HAO1: variants seen among roughly 807,000 people sequenced by gnomAD.
HAO1 encodes 2-Hydroxyacid oxidase 1.
HAO1 carries 34 observed loss-of-function variants against 39.7 expected under a neutral mutation model. The observed-to-expected ratio is 0.86, with a 90% CI of 0.65 to 1.14. The LOEUF (loss-of-function observed/expected upper bound fraction) is 1.14. HAO1 is among the 50% of genes most tolerant of loss of function. The pLI, the probability that HAO1 is intolerant of heterozygous loss-of-function variation, is 0.00. For missense variants in HAO1, 479 were observed against 464.5 expected (o/e 1.03, Z -0.29); for synonymous variants, 172 against 173.2 (o/e 0.99, Z 0.05).
chr20:7,900,005 A>C (rs575000603), intron 4 of HAO1, among the ~76,000 whole-genome samples: 2 of 152,292 alleles, frequency 1.3e-5, no homozygotes, highest in Non-Finnish European at 2.9e-5. Context: ...CAAGTACTCA[A>C]AACGTAAGTA....
At chr20:7,913,861 A>G (rs2050292960) in intron 3 of HAO1, among the ~76,000 whole-genome samples, 1 of 152,240 alleles carries the variant, frequency 6.6e-6, no homozygotes, top group African/African-American at 2.4e-5. Context: ...GAAATAGGGC[A>G]CCAGGATGAT....
intron 1 of HAO1, among the ~76,000 whole-genome samples, chr20:7,939,775 G>A (rs1167168649): frequency 9.2e-5 from 14 of 152,180 alleles, no homozygotes; most frequent in Admixed American, 9.2e-4. Flanking sequence ...AAACAGCAAA[G>A]TTGAAAGATT....
chr20:7,930,153 G>C (rs867346340), intron 2 of HAO1, among the ~76,000 whole-genome samples: 4 of 151,806 alleles, frequency 2.6e-5, no homozygotes, highest in African/African-American at 9.7e-5. Flanking sequence ...TAACTAACCC[G>C]TTTTCTGAAC....
intron 5 of HAO1, among the ~76,000 whole-genome samples, chr20:7,890,918 G>A (rs1168805697): frequency 1.3e-5 from 2 of 152,022 alleles, no homozygotes; most frequent in Non-Finnish European, 2.9e-5. Flanking sequence ...TCATATATAT[G>A]TACCACGGTT....
chr20:7,923,725 A>G (rs993551757), intron 2 of HAO1, among the ~76,000 whole-genome samples: 2 of 152,148 alleles, frequency 1.3e-5, no homozygotes, highest in Non-Finnish European at 2.9e-5. Context: ...TCACATGGGT[A>G]TGTTAACAAA....
intron 2 of HAO1, 95 bp downstream of exon 2, chr20:7,934,389 A>T: frequency 1.1e-6 from 1 of 893,362 alleles, no homozygotes; most frequent in Non-Finnish European, 1.7e-6. Context: ...CTGAGTGTAA[A>T]AACATCAAGG....
intron 3 of HAO1, 41 bp from the exon 4 acceptor site, chr20:7,906,370 A>G (rs751903842): frequency 5.2e-6 from 6 of 1,144,838 alleles, no homozygotes; most frequent in Admixed American, 1.8e-5. Flanking sequence ...TTGCCAAATT[A>G]GAAATACGTT....
At chr20:7,924,880 G>GA (rs1189966141) in intron 2 of HAO1, among the ~76,000 whole-genome samples, 1 of 152,098 alleles carries the variant, frequency 6.6e-6, no homozygotes, top group African/African-American at 2.4e-5. Flanking sequence ...ATTTTGTTGA[G>GA]AAAACGCATT....
Position 7,914,341 on chromosome 20 carries a change from G to A in HAO1, c.368C>T (p.Pro123Leu), listed in dbSNP as rs906338813. 7.4e-6 allele frequency: 12 copies of A among 1,613,974 alleles called. No homozygotes were observed. Among genetic ancestry groups the A allele is most frequent in the Non-Finnish European group, 1.0e-5 (12 of 1,179,962 alleles). The change falls in exon 3 of 8, where the codon CCT becomes CTT. Residue 123 changes from proline to leucine, a missense_variant. By Grantham distance (98) the Pro-to-Leu change is moderately conservative. Coordinates refer to ENST00000378789, the MANE Select transcript of HAO1 (RefSeq NM_017545.3). ...SSIEEVAEAGPEALRWLQLYI... is the reference protein window; with the variant it reads ...SSIEEVAEAGLEALRWLQLYI... ...CAGTTGCAGCCAACGAAGTGCCTCA[G>A]GACCAGCTTCCGCCACTTCTTCAAT...
intron 2 of HAO1, among the ~76,000 whole-genome samples, chr20:7,926,121 A>G (rs1261513138): frequency 6.6e-6 from 1 of 152,080 alleles, no homozygotes. Context: ...TATTGTTAGA[A>G]AAGCAAGTCT....
chr20:7,927,385 A>G (rs181854379), intron 2 of HAO1, among the ~76,000 whole-genome samples: 1 of 152,202 alleles, frequency 6.6e-6, no homozygotes, highest in South Asian at 2.1e-4. Context: ...AATTCAAAAA[A>G]ATAAATAAAA....
At position 7,914,222 on chromosome 20, in the gene HAO1, A is replaced by G. The variant is rs1351703668; in HGVS notation, c.487T>C (p.Tyr163His). The G allele has an allele frequency of 1.2e-6, 2 of 1,614,022 alleles. No individual in the cohort carries two copies. The highest frequency in any genetic ancestry group is 1.7e-6 in the Non-Finnish European group (2 of 1,179,936). Residue 163 changes from tyrosine to histidine, a missense_variant, in exon 3 of 8, where the codon TAC becomes CAC. Physicochemically the swap from Tyr to His is moderately conservative, Grantham distance 83. Coordinates refer to ENST00000378789, the MANE Select transcript of HAO1 (RefSeq NM_017545.3). ...ACATCATCCAGACGGTTGCCCAGGT[A>G]AGGTGTGTCCACTGTCACAAATATG... ...KAIFVTVDTPYLGNRLDDVRN... is the reference protein window; with the variant it reads ...KAIFVTVDTPHLGNRLDDVRN...
chr20:7,888,383 G>T (rs1285997384), intron 5 of HAO1, among the ~76,000 whole-genome samples: 11 of 152,062 alleles, frequency 7.2e-5, no homozygotes, highest in Non-Finnish European at 1.5e-4. Context: ...CTGCTAGCAA[G>T]GAGCTCTCAC....
intron 1 of HAO1, among the ~76,000 whole-genome samples, chr20:7,937,757 A>G (rs139642424): frequency 1.8e-3 from 278 of 152,322 alleles, no homozygotes; most frequent in Non-Finnish European, 2.8e-3. Context: ...ATTAATCCCA[A>G]TCAATTCCAG....
chr20:7,914,384 A>G lies in HAO1; in HGVS notation c.325T>C (p.Ser109Pro). ...QSLGTGMMLS[S>P]WATSSIEEVA... ...TCTTCAATTGAGGAGGTGGCCCAGG[A>G]ACTCAACATCATGCCCGTTCCCAGG... The change falls in exon 3 of 8, where the codon TCC becomes CCC. Residue 109 changes from serine to proline, a missense_variant. By Grantham distance (74) the Ser-to-Pro change is moderately conservative (BLOSUM62 -1). Coordinates refer to ENST00000378789, the MANE Select transcript of HAO1 (RefSeq NM_017545.3). 2 of 1,613,802 alleles carry G rather than the reference A, an allele frequency of 1.2e-6. No individual in the cohort carries two copies. The highest frequency in any genetic ancestry group is 1.7e-5 in the Admixed American group (1 of 59,994).
chr20:7,888,756 G>A (rs1478088133), intron 5 of HAO1, among the ~76,000 whole-genome samples: 4 of 152,188 alleles, frequency 2.6e-5, no homozygotes, highest in African/African-American at 9.7e-5. Context: ...AGGAAGGAGG[G>A]TTCTGTTCTG....
intron 3 of HAO1, among the ~76,000 whole-genome samples, chr20:7,909,769 G>A (rs893135857): frequency 3.9e-5 from 6 of 151,956 alleles, no homozygotes; most frequent in African/African-American, 1.2e-4. Flanking sequence ...TAAAGATAAA[G>A]CCACATAATT....
intron 2 of HAO1, among the ~76,000 whole-genome samples, chr20:7,917,444 G>T (rs540116353): frequency 6.6e-6 from 1 of 151,928 alleles, no homozygotes; most frequent in Non-Finnish European, 1.5e-5. Context: ...CTCTCCCAGG[G>T]CAATGATCTT....
rs1568508201 is a variant in HAO1 at position 7,887,184 on chromosome 20, A to G, written c.814-1320T>C. Among the ~76,000 whole-genome samples, 8 of 152,340 alleles carry G rather than the reference A, an allele frequency of 5.3e-5. No homozygotes were observed. The South Asian group carries it at 1.7e-3, about 32-fold the overall frequency. On this transcript the variant is annotated intron_variant, in intron 5 of 7. Coordinates refer to ENST00000378789, the MANE Select transcript of HAO1 (RefSeq NM_017545.3). ...TGATGTGAATCTGCATTTGAGAATT[A>G]AAACAATTTACAAGGTGAGCTAGAG...
Sources: gnomAD v4.1 joint callset for allele counts (sites outside exome capture counted in the v4.1 genomes callset) on GRCh38, gnomAD v4.1.1 for gene constraint, MANE v1.5 for transcripts, NCBI Gene and HGNC (gene_info 2026-07-23, HGNC 2026-07-21) for gene names.